TNFSF11: variants seen among roughly 807,000 people sequenced by gnomAD.
The protein encoded by TNFSF11 is TNF superfamily member 11.
A neutral mutation model predicts 32.2 loss-of-function variants in TNFSF11; 12 were observed. That is an observed-to-expected ratio of 0.37 (90% CI 0.24 to 0.60). The LOEUF (loss-of-function observed/expected upper bound fraction) is 0.60, where lower values mean the gene tolerates loss of function less well. Among genes scored for constraint, TNFSF11 ranks in the 20% least tolerant of loss-of-function variants. The probability of loss-of-function intolerance (pLI) is 0.66; values close to 1 mark genes in which losing one functional copy is unlikely to be tolerated. For synonymous variants in TNFSF11, 172 were observed against 152.1 expected (o/e 1.13, Z -0.96); for missense variants, 345 against 398.0 (o/e 0.87, Z 1.13).
intron 1 of TNFSF11, among the ~76,000 whole-genome samples, chr13:42,564,133 GAT>G: frequency 1.3e-5 from 2 of 151,552 alleles, no homozygotes; most frequent in South Asian, 4.2e-4. Context: ...ATTAATTTTA[GAT>G]ATTTTATTTT....
intron 2 of TNFSF11, among the ~76,000 whole-genome samples, chr13:42,594,066 T>TTTA (rs750980105): frequency 4.6e-5 from 7 of 152,030 alleles, no homozygotes; most frequent in African/African-American, 9.7e-5. Context: ...CTGAAATCTA[T>TTTA]TTATTATTAT....
chr13:42,598,147 T>C (rs1310535744), intron 2 of TNFSF11, among the ~76,000 whole-genome samples: 1 of 152,230 alleles, frequency 6.6e-6, no homozygotes, highest in Admixed American at 6.5e-5. Flanking sequence ...ATGCCTGGCC[T>C]GGCTTTCTTG....
At chr13:42,597,293 T>C (rs1868863056) in intron 2 of TNFSF11, among the ~76,000 whole-genome samples, 1 of 151,796 alleles carries the variant, frequency 6.6e-6, no homozygotes, top group Non-Finnish European at 1.5e-5. Flanking sequence ...ACCTCTTGGG[T>C]CTCTAGCTAG....
At chr13:42,572,349 T>C (rs759265421), upstream of TNFSF11, among the ~76,000 whole-genome samples, 6 of 152,172 alleles carry the variant, frequency 3.9e-5, no homozygotes, top group Non-Finnish European at 7.4e-5. Context: ...TTAAAAAGAA[T>C]GGAAGACACT....
intron 2 of TNFSF11, among the ~76,000 whole-genome samples, chr13:42,590,246 C>T (rs1469461915): frequency 3.3e-5 from 5 of 152,176 alleles, no homozygotes; most frequent in African/African-American, 9.7e-5. Context: ...GCTCAGGTGG[C>T]GAGTTGTTTA....
upstream of TNFSF11, among the ~76,000 whole-genome samples, chr13:42,570,738 T>C (rs1873036128): frequency 6.6e-6 from 1 of 152,192 alleles, no homozygotes; most frequent in Non-Finnish European, 1.5e-5. Context: ...CAGCTTAGGA[T>C]AGCTCCTGGC....
chr13:42,565,810 G>C (rs149486458), intron 1 of TNFSF11, among the ~76,000 whole-genome samples: 2 of 152,274 alleles, frequency 1.3e-5, no homozygotes, highest in Non-Finnish European at 2.9e-5. Flanking sequence ...TCTGGAAGAT[G>C]GGTTTAAGTG....
chr13:42,606,373 A>G, intron 4 of TNFSF11, 124 bp from the exon 5 acceptor site: 3 of 1,177,166 alleles, frequency 2.5e-6, no homozygotes, highest in Non-Finnish European at 3.7e-6. Flanking sequence ...AAATGCCAAT[A>G]AGTTATTCTC....
intron 1 of TNFSF11, 121 bp downstream of exon 1, chr13:42,574,643 A>G (rs918329751): frequency 8.1e-7 from 1 of 1,238,816 alleles, no homozygotes; most frequent in African/African-American, 1.5e-5. Context: ...CGGAAGGGAA[A>G]GTGACTCCAG....
chr13:42,594,311 G>T (rs2137891722), intron 2 of TNFSF11, among the ~76,000 whole-genome samples: 1 of 152,022 alleles, frequency 6.6e-6, no homozygotes, highest in South Asian at 2.1e-4. Flanking sequence ...TGAACTCCTG[G>T]CCTGAGGTTG....
Position 42,606,552 on chromosome 13 carries a change from C to A in TNFSF11, c.588C>A (p.Ile196=). ...ACCATGATCGGGGTTGGGCCAAGATCTCCAACATGACTTTTAGCAATGGAA... is the reference window on the plus strand; with the variant it reads ...ACCATGATCGGGGTTGGGCCAAGATATCCAACATGACTTTTAGCAATGGAA... ...SWYHDRGWAK[I]SNMTFSNGKL... The change falls in exon 5 of 5, where the codon ATC becomes ATA. Residue 196 remains isoleucine (I), a synonymous_variant. Coordinates refer to ENST00000398795, the MANE Select transcript of TNFSF11 (RefSeq NM_003701.4). The A allele has an allele frequency of 6.2e-7, 1 of 1,614,204 alleles. No individual in the cohort carries two copies. Among genetic ancestry groups the A allele is most frequent in the South Asian group, 1.1e-5 (1 of 91,086 alleles).
chr13:42,572,186 C>G (rs1371336166), upstream of TNFSF11, among the ~76,000 whole-genome samples: 1 of 152,114 alleles, frequency 6.6e-6, no homozygotes, highest in African/African-American at 2.4e-5. Flanking sequence ...ATGAAGAACT[C>G]TGTAGGAATG....
intron 2 of TNFSF11, among the ~76,000 whole-genome samples, chr13:42,588,592 C>G (rs1473890989): frequency 6.6e-6 from 1 of 152,110 alleles, no homozygotes; most frequent in African/African-American, 2.4e-5. Flanking sequence ...AGAGGTACAG[C>G]CTGTGTAATT....
upstream of TNFSF11, among the ~76,000 whole-genome samples, chr13:42,570,899 A>G (rs559722622): frequency 4.3e-4 from 66 of 152,172 alleles, no homozygotes; most frequent in South Asian, 0.013. Context: ...ATAGGTCTAG[A>G]CCCTAGTATT....
chr13:42,567,767 G>A (rs551184415), intron 2 of TNFSF11, among the ~76,000 whole-genome samples: 29 of 152,312 alleles, frequency 1.9e-4, no homozygotes, highest in South Asian at 1.5e-3. Context: ...ATACCAAATT[G>A]TAAACAAGAG....
chr13:42,601,239 A>G (rs1260804693), intron 4 of TNFSF11, among the ~76,000 whole-genome samples: 1 of 152,206 alleles, frequency 6.6e-6, no homozygotes, highest in East Asian at 1.9e-4. Flanking sequence ...CTGCCAGCTG[A>G]AAGCCTGTAA....
chr13:42,600,682 G>C, intron 2 of TNFSF11, 70 bp from the exon 3 acceptor site: 1 of 1,482,304 alleles, frequency 6.7e-7, no homozygotes, highest in Non-Finnish European at 9.1e-7. Context: ...ATATGTAACA[G>C]CCCTGAATTC....
At position 42,580,738 on chromosome 13, in the gene TNFSF11, A is replaced by G. The variant is rs574203676; in HGVS notation, c.220-388A>G. ...CTCATAATCCCATCTAGCATGTTGC[A>G]TATAGTTGATTTAAAGACAAAAAGC... On this transcript the variant is annotated intron_variant, in intron 1 of 4. Transcript: ENST00000398795. Among the ~76,000 whole-genome samples, 3 of 152,242 alleles carry G rather than the reference A, an allele frequency of 2.0e-5. No individual in the cohort carries two copies. In the South Asian group the frequency reaches 6.2e-4, roughly 32 times the overall value.
At chr13:42,598,439 G>C (rs1034049618) in intron 2 of TNFSF11, among the ~76,000 whole-genome samples, 1 of 152,178 alleles carries the variant, frequency 6.6e-6, no homozygotes, top group Non-Finnish European at 1.5e-5. Context: ...ATCCAGCTTT[G>C]CTGGCACCAA....
Sources: allele counts gnomAD v4.1 joint callset (sites outside exome capture counted in the v4.1 genomes callset), GRCh38; gene constraint gnomAD v4.1.1; transcripts MANE v1.5; gene names NCBI Gene and HGNC (gene_info 2026-07-23, HGNC 2026-07-21).